The following CSMD1 variants were observed in gnomAD, a reference collection of about 807,000 sequenced individuals.
CSMD1 encodes CUB and sushi domain-containing protein 1.
In CSMD1, 213 loss-of-function variants were observed where a neutral mutation model predicts 417.5. The observed-to-expected ratio is 0.51, with a 90% confidence interval of 0.46 to 0.57. CSMD1 has a LOEUF of 0.57. Ranked by LOEUF, CSMD1 falls within the 20% of genes least tolerant of loss-of-function variation. The pLI is 0.00. For synonymous variants in CSMD1, 2,862 were observed against 1,736.8 expected (o/e 1.65, Z -16.11); for missense variants, 6,923 against 4,529.7 (o/e 1.53, Z -15.17).
At chr8:3,101,770 A>G (rs925193060) in intron 46 of CSMD1, among the ~76,000 whole-genome samples, 11 of 147,282 alleles carry the variant, frequency 7.5e-5, no homozygotes, top group African/African-American at 2.8e-4. Context: ...TTTCCCTAAA[A>G]TTGGTGATAA....
At chr8:4,833,075 A>T (rs1800247305) in intron 1 of CSMD1, among the ~76,000 whole-genome samples, 1 of 152,182 alleles carries the variant, frequency 6.6e-6, no homozygotes, top group East Asian at 1.9e-4. Flanking sequence ...CCACTTGCCA[A>T]TTCTAACTTG....
intron 60 of CSMD1, 36 bp from the exon 61 acceptor site, chr8:2,962,675 C>A: frequency 6.3e-7 from 1 of 1,598,700 alleles, no homozygotes; most frequent in South Asian, 1.1e-5. Context: ...CAGCCTTCAA[C>A]GTCCCTGGAT....
intron 3 of CSMD1, among the ~76,000 whole-genome samples, chr8:4,083,771 A>G (rs963868747): frequency 2.2e-4 from 33 of 152,214 alleles, no homozygotes; most frequent in African/African-American, 8.0e-4. Context: ...CATTCAGGAC[A>G]TAGGCATGGG....
chr8:4,056,662 T>A (rs1015815262), intron 3 of CSMD1, among the ~76,000 whole-genome samples: 3 of 151,978 alleles, frequency 2.0e-5, no homozygotes, highest in Non-Finnish European at 4.4e-5. Context: ...ATTAGGTATA[T>A]CTCCTCATGC....
intron 5 of CSMD1, among the ~76,000 whole-genome samples, chr8:3,834,150 T>A (rs1802532587): frequency 6.6e-6 from 1 of 152,204 alleles, no homozygotes; most frequent in African/African-American, 2.4e-5. Flanking sequence ...ACTATTGCTT[T>A]ATCTATATAT....
At chr8:4,046,654 G>C (rs925809693) in intron 3 of CSMD1, among the ~76,000 whole-genome samples, 3 of 152,130 alleles carry the variant, frequency 2.0e-5, no homozygotes, top group Admixed American at 6.6e-5. Flanking sequence ...TGTGCAGATA[G>C]GATATACACT....
intron 1 of CSMD1, among the ~76,000 whole-genome samples, chr8:4,640,106 T>A (rs1803102896): frequency 1.3e-5 from 2 of 152,208 alleles, no homozygotes; most frequent in African/African-American, 4.8e-5. Flanking sequence ...TCAGGTTGAA[T>A]CAGATGAACA....
intron 26 of CSMD1, among the ~76,000 whole-genome samples, chr8:3,246,489 T>G (rs553717143): frequency 6.6e-6 from 1 of 152,108 alleles, no homozygotes; most frequent in African/African-American, 2.4e-5. Context: ...GTATTTTTTT[T>G]GTGACAGAGT....
At chr8:4,937,267 G>C (rs961793681) in intron 1 of CSMD1, among the ~76,000 whole-genome samples, 3 of 152,050 alleles carry the variant, frequency 2.0e-5, no homozygotes, top group Non-Finnish European at 4.4e-5. Flanking sequence ...AAATCTGGTG[G>C]TATAGTCCTA....
At chr8:4,409,752 C>T (rs1489307061) in intron 3 of CSMD1, among the ~76,000 whole-genome samples, 1 of 150,884 alleles carries the variant, frequency 6.6e-6, no homozygotes, top group African/African-American at 2.4e-5. Flanking sequence ...TAGCACAGGG[C>T]ATAACTGTTC....
intron 1 of CSMD1, among the ~76,000 whole-genome samples, chr8:4,702,572 T>G (rs1021308963): frequency 1.3e-5 from 2 of 152,202 alleles, no homozygotes; most frequent in Admixed American, 1.3e-4. Flanking sequence ...ATCTGAAAGG[T>G]TCCGTAGGAG....
intron 50 of CSMD1, among the ~76,000 whole-genome samples, chr8:3,042,960 A>C (rs1215422694): frequency 1.3e-5 from 2 of 151,740 alleles, no homozygotes; most frequent in Non-Finnish European, 2.9e-5. Flanking sequence ...ACATATAGTG[A>C]TATATACAGA....
chr8:4,618,312 G>C (rs1431043926), intron 2 of CSMD1, among the ~76,000 whole-genome samples: 1 of 137,512 alleles, frequency 7.3e-6, no homozygotes, highest in South Asian at 2.3e-4. Flanking sequence ...CTCATAAGCA[G>C]GAAATCCAGG....
At chr8:4,379,644 C>G (rs1802975048) in intron 3 of CSMD1, among the ~76,000 whole-genome samples, 2 of 152,188 alleles carry the variant, frequency 1.3e-5, no homozygotes, top group South Asian at 2.1e-4. Flanking sequence ...CAAAATGAGT[C>G]TGCTGGACTT....
chr8:3,443,628 G>C (rs190289818), intron 12 of CSMD1, among the ~76,000 whole-genome samples: 7 of 152,304 alleles, frequency 4.6e-5, no homozygotes, highest in Admixed American at 3.3e-4. Flanking sequence ...CCTTTGCAGA[G>C]TTGACTGTGG....
chr8:4,111,389 TA>T (rs1031326048), intron 3 of CSMD1, among the ~76,000 whole-genome samples: 4 of 152,142 alleles, frequency 2.6e-5, no homozygotes, highest in African/African-American at 7.2e-5. Context: ...TAAACAGTAT[TA>T]AAAAAGTATG....
intron 2 of CSMD1, among the ~76,000 whole-genome samples, chr8:4,452,181 G>A (rs903239654): frequency 7.9e-5 from 12 of 152,034 alleles, no homozygotes; most frequent in East Asian, 3.9e-4. Flanking sequence ...CCTTCTCTTC[G>A]CTTAGTGCAC....
At chr8:4,936,342 A>G (rs1807617801) in intron 1 of CSMD1, among the ~76,000 whole-genome samples, 1 of 152,220 alleles carries the variant, frequency 6.6e-6, no homozygotes, top group South Asian at 2.1e-4. Context: ...AAAAACTGAA[A>G]TAGTAAATCG....
At chr8:3,920,359 T>TGTGTGTGTG (rs56406995) in intron 5 of CSMD1, among the ~76,000 whole-genome samples, 1 of 150,298 alleles carries the variant, frequency 6.7e-6, no homozygotes, top group African/African-American at 2.4e-5. Flanking sequence ...GCGTGTGTGT[T>TGTGTGTGTG]TGTGTGTGTG....
Sources: gnomAD v4.1 joint callset for allele counts (sites outside exome capture counted in the v4.1 genomes callset) on GRCh38, gnomAD v4.1.1 for gene constraint, MANE v1.5 for transcripts, NCBI Gene and HGNC (gene_info 2026-07-23, HGNC 2026-07-21) for gene names.